The following ZBTB7C variants were observed in gnomAD, a reference collection of about 807,000 sequenced individuals.
ZBTB7C encodes zinc finger and BTB domain-containing protein 7C.
A neutral mutation model predicts 25.7 loss-of-function variants in ZBTB7C; 8 were observed. That is an observed-to-expected ratio of 0.31 (90% CI 0.18 to 0.56). The LOEUF (loss-of-function observed/expected upper bound fraction) is 0.56, where lower values mean the gene tolerates loss of function less well. Ranked by LOEUF, ZBTB7C falls within the 20% of genes least tolerant of loss-of-function variation. The probability of loss-of-function intolerance (pLI) is 0.91; values close to 1 mark genes in which losing one functional copy is unlikely to be tolerated. For synonymous variants in ZBTB7C, 394 were observed against 369.0 expected (o/e 1.07, Z -0.78); for missense variants, 824 against 855.2 (o/e 0.96, Z 0.46).
chr18:48,050,368 C>A (rs759334076), intron 3 of ZBTB7C, among the ~76,000 whole-genome samples: 1 of 152,176 alleles, frequency 6.6e-6, no homozygotes, highest in East Asian at 1.9e-4. Context: ...GGCAGGGCTA[C>A]TTCAACTTTT....
At chr18:48,325,353 T>C (rs1046666451) in intron 2 of ZBTB7C, among the ~76,000 whole-genome samples, 5 of 152,216 alleles carry the variant, frequency 3.3e-5, no homozygotes, top group Non-Finnish European at 7.3e-5. Flanking sequence ...CAGCCTGTAA[T>C]ACAATATAAA....
intron 2 of ZBTB7C, among the ~76,000 whole-genome samples, chr18:48,268,308 C>T (rs1421665026): frequency 6.6e-6 from 1 of 152,118 alleles, no homozygotes; most frequent in African/African-American, 2.4e-5. Context: ...TTTAAAATGG[C>T]AAGACAAATT....
chr18:48,393,294 A>G (rs984013181), intron 1 of ZBTB7C, among the ~76,000 whole-genome samples: 2 of 117,548 alleles, frequency 1.7e-5, no homozygotes, highest in African/African-American at 6.7e-5. Flanking sequence ...TCCAACCACC[A>G]CACTTCCTGC....
chr18:48,055,408 C>G (rs2036872688), intron 3 of ZBTB7C, among the ~76,000 whole-genome samples: 1 of 88,090 alleles, frequency 1.1e-5, no homozygotes, highest in Admixed American at 1.4e-4. Flanking sequence ...AGACTCAAGT[C>G]TCAAAAAAAA....
upstream of ZBTB7C, among the ~76,000 whole-genome samples, chr18:48,410,272 G>A (rs888744951): frequency 2.0e-5 from 3 of 151,808 alleles, no homozygotes; most frequent in East Asian, 5.9e-4. Flanking sequence ...GCGCTCGGCG[G>A]CGCTGCGGCC....
At chr18:48,319,109 C>G (rs941298017) in intron 2 of ZBTB7C, among the ~76,000 whole-genome samples, 6 of 79,744 alleles carry the variant, frequency 7.5e-5, no homozygotes, top group African/African-American at 1.2e-4. Flanking sequence ...TGCCAGAATG[C>G]CTCTGTGTGT....
chr18:48,395,375 A>ATGTGTG (rs149447084), intron 1 of ZBTB7C, among the ~76,000 whole-genome samples: 21 of 82,766 alleles, frequency 2.5e-4, no homozygotes, highest in African/African-American at 8.8e-4. Context: ...TTCTATTCAA[A>ATGTGTG]TGTGTGTGTG....
At chr18:48,123,823 G>T (rs1004866837) in intron 3 of ZBTB7C, among the ~76,000 whole-genome samples, 1 of 152,102 alleles carries the variant, frequency 6.6e-6, no homozygotes, top group East Asian at 1.9e-4. Flanking sequence ...AAATGATCGT[G>T]TATATTTTTA....
chr18:48,180,491 G>A (rs1017610692), intron 3 of ZBTB7C: 1 of 374,030 alleles, frequency 2.7e-6, no homozygotes, highest in Admixed American at 3.2e-5. Flanking sequence ...GGGAGAGAGG[G>A]AAATGAAGCA....
chr18:48,109,023 G>A (rs1341513928), intron 3 of ZBTB7C, among the ~76,000 whole-genome samples: 1 of 152,174 alleles, frequency 6.6e-6, no homozygotes, highest in East Asian at 1.9e-4. Flanking sequence ...TTTTTCAGAG[G>A]ATGCTGAAGC....
chr18:48,138,525 C>T (rs2040243554), intron 3 of ZBTB7C, among the ~76,000 whole-genome samples: 1 of 152,168 alleles, frequency 6.6e-6, no homozygotes, highest in African/African-American at 2.4e-5. Context: ...CTGTCAAACC[C>T]TCCATGCTGT....
chr18:48,136,880 T>TCCCC lies in ZBTB7C; in HGVS notation c.-17+49053_-17+49054insGGGG, dbSNP rs1187765071. Reference sequence around the variant, plus strand: ...GGGTCCCCGCAGCGCGTAGCGAGAATGCCCGCAGCGCTCTCCCGGCCGCCC... The same window carrying TCCCC: ...GGGTCCCCGCAGCGCGTAGCGAGAATCCCCGCCCGCAGCGCTCTCCCGGCCGCCC... On this transcript the variant is annotated intron_variant, in intron 3 of 4. Coordinates refer to ENST00000590800, the MANE Select transcript of ZBTB7C (RefSeq NM_001318841.2). The TCCCC allele has an allele frequency of 1.1e-5, 9 of 828,916 alleles. No individual in the cohort carries two copies. In the Admixed American group the frequency reaches 4.4e-4, roughly 40 times the overall value. The allele number at this position is 828,916 out of a possible 1,614,324, so 51.3% of individuals were successfully genotyped here. A position where few individuals can be genotyped will look rare whatever the true frequency, so the allele number is the denominator to read the frequency against.
chr18:48,226,709 G>T (rs16948929), intron 2 of ZBTB7C, among the ~76,000 whole-genome samples: 3 of 152,142 alleles, frequency 2.0e-5, no homozygotes, highest in African/African-American at 7.2e-5. Flanking sequence ...GATTGAGTTT[G>T]AGCATCATAC....
intron 2 of ZBTB7C, among the ~76,000 whole-genome samples, chr18:48,320,811 C>T (rs1291873439): frequency 2.0e-5 from 3 of 152,204 alleles, no homozygotes; most frequent in African/African-American, 7.2e-5. Context: ...TCTGATTCCA[C>T]ATGCTCTTTC....
At chr18:48,131,856 G>A (rs1319105768) in intron 3 of ZBTB7C, among the ~76,000 whole-genome samples, 1 of 152,118 alleles carries the variant, frequency 6.6e-6, no homozygotes, top group African/African-American at 2.4e-5. Context: ...TTAAAGATAG[G>A]ACGGCTACAA....
chr18:48,361,832 T>TGGGATGGGGG (rs1021367492), intron 1 of ZBTB7C, among the ~76,000 whole-genome samples: 3 of 152,160 alleles, frequency 2.0e-5, no homozygotes, highest in African/African-American at 7.2e-5. Flanking sequence ...TGAAGGTTCA[T>TGGGATGGGGG]GGGATAAGCC....
intron 2 of ZBTB7C, among the ~76,000 whole-genome samples, chr18:48,322,796 A>C (rs11664541): frequency 0.054 from 8,247 of 152,320 alleles, 285 homozygotes; most frequent in South Asian, 0.1. Flanking sequence ...GAACCAACCC[A>C]AATATCAGTC....
At chr18:48,321,349 G>A (rs898366941) in intron 2 of ZBTB7C, among the ~76,000 whole-genome samples, 2 of 152,216 alleles carry the variant, frequency 1.3e-5, no homozygotes, top group Non-Finnish European at 2.9e-5. Flanking sequence ...GCCCAGAGAT[G>A]AGCTGACTGT....
At chr18:48,140,509 G>A (rs1439153177) in intron 3 of ZBTB7C, among the ~76,000 whole-genome samples, 1 of 151,798 alleles carries the variant, frequency 6.6e-6, no homozygotes, top group Non-Finnish European at 1.5e-5. Context: ...GGTGACTCAA[G>A]GCAACCTGGG....
Sources: gnomAD v4.1 joint callset for allele counts (sites outside exome capture counted in the v4.1 genomes callset) on GRCh38, gnomAD v4.1.1 for gene constraint, MANE v1.5 for transcripts, NCBI Gene and HGNC (gene_info 2026-07-23, HGNC 2026-07-21) for gene names.